Variants in RORA observed in about 807,000 individuals in gnomAD.
RORA encodes nuclear receptor ROR-alpha.
Under a neutral mutation model 69.5 loss-of-function variants are expected in RORA, and 7 were observed. That is an observed-to-expected ratio of 0.10 (90% CI 0.06 to 0.19). The LOEUF is 0.19. RORA is among the 10% of genes least tolerant of loss of function. RORA has a pLI of 1.00. For synonymous variants in RORA, 261 were observed against 240.8 expected, an observed-to-expected ratio of 1.08 and a Z score of -0.78; for missense variants, 457 against 663.0, an observed-to-expected ratio of 0.69 and a Z score of 3.41.
At position 60,543,125 on chromosome 15, in the gene RORA, G is replaced by A. The variant is rs115871535; in HGVS notation, c.197-11274C>T. Among the ~76,000 whole-genome samples, 146 of 133,636 alleles carry A rather than the reference G, an allele frequency of 1.1e-3. 1 individual carries two copies. The highest frequency in any genetic ancestry group is 4.0e-3 in the African/African-American group (142 of 35,278). 87.7% of individuals were successfully genotyped at this position (133,636 alleles called of 152,430 possible). On this transcript the variant is annotated intron_variant, in intron 2 of 10. Coordinates refer to ENST00000335670, the MANE Select transcript of RORA (RefSeq NM_134261.3). Reference sequence around the variant, plus strand: ...AGAACCCACCAGCGCACCTCGTCTTGTTACGTTAGCTTCACTGCATAGGAA... The same window carrying A: ...AGAACCCACCAGCGCACCTCGTCTTATTACGTTAGCTTCACTGCATAGGAA...
At chr15:60,861,339 C>A (rs182326257) in intron 1 of RORA, among the ~76,000 whole-genome samples, 17 of 152,222 alleles carry the variant, frequency 1.1e-4, no homozygotes, top group East Asian at 5.8e-4. Flanking sequence ...TTTGTAGACC[C>A]AACCACTTAC....
chr15:60,975,253 T>G (rs1893843121), intron 1 of RORA, among the ~76,000 whole-genome samples: 1 of 152,118 alleles, frequency 6.6e-6, no homozygotes, highest in Middle Eastern at 3.2e-3. Flanking sequence ...CCTAAACAAT[T>G]TCAATCCGTC....
chr15:60,889,355 G>T (rs117826464), intron 1 of RORA, among the ~76,000 whole-genome samples: 52 of 147,002 alleles, frequency 3.5e-4, no homozygotes, highest in Middle Eastern at 7.0e-3. Context: ...TGGGGCGGGG[G>T]GGGGGGGAAG....
chr15:60,759,227 A>T (rs1377881798), intron 1 of RORA, among the ~76,000 whole-genome samples: 1 of 152,228 alleles, frequency 6.6e-6, no homozygotes, highest in Non-Finnish European at 1.5e-5. Context: ...GGAGAGCCTG[A>T]GAGAACACAC....
At chr15:60,900,897 T>A (rs1891372222) in intron 1 of RORA, among the ~76,000 whole-genome samples, 1 of 151,556 alleles carries the variant, frequency 6.6e-6, no homozygotes. Flanking sequence ...TAAAAAAAAA[T>A]AGGACCATAT....
chr15:60,850,159 A>G (rs970420182), intron 1 of RORA, among the ~76,000 whole-genome samples: 4 of 152,296 alleles, frequency 2.6e-5, no homozygotes, highest in African/African-American at 7.2e-5. Context: ...CCAGACCTGA[A>G]TCCAGGCTGA....
rs555342612 is a variant in RORA, at chr15:60,755,192, T to A, written c.167-76506A>T. Among the ~76,000 whole-genome samples the A allele has an allele frequency of 2.1e-4, 29 of 140,576 alleles. No individual in the cohort carries two copies. The South Asian group carries it at 2.1e-3, about 10-fold the overall frequency. The allele number at this position is 140,576 out of a possible 152,430, so 92.2% of individuals were successfully genotyped here. On this transcript the variant is annotated intron_variant, in intron 1 of 10. Coordinates refer to ENST00000335670, the MANE Select transcript of RORA (RefSeq NM_134261.3). ...ATGTTCCCCTTCCTGTGTCCATGTGTTCTCATTGTTCAATTCCCACCTATG... is the reference window on the plus strand; with the variant it reads ...ATGTTCCCCTTCCTGTGTCCATGTGATCTCATTGTTCAATTCCCACCTATG...
At chr15:60,993,099 A>G (rs932880443) in intron 1 of RORA, among the ~76,000 whole-genome samples, 15 of 152,164 alleles carry the variant, frequency 9.9e-5, no homozygotes, top group African/African-American at 3.1e-4. Context: ...TCTATTTACA[A>G]TATTCTTATT....
intron 1 of RORA, among the ~76,000 whole-genome samples, chr15:60,795,980 A>C (rs2072489871): frequency 6.6e-6 from 1 of 152,232 alleles, no homozygotes; most frequent in Non-Finnish European, 1.5e-5. Flanking sequence ...GGGTATCAAA[A>C]TGTGTAAAGC....
intron 1 of RORA, among the ~76,000 whole-genome samples, chr15:61,035,576 G>A (rs747843002): frequency 1.4e-4 from 22 of 152,168 alleles, no homozygotes; most frequent in East Asian, 7.7e-4. Context: ...GGCAAACCAC[G>A]TGGAGACCTT....
At chr15:60,840,647 C>A (rs1170582087) in intron 1 of RORA, among the ~76,000 whole-genome samples, 1 of 152,230 alleles carries the variant, frequency 6.6e-6, no homozygotes. Flanking sequence ...ATGTGTCCCG[C>A]CACTGCTAGG....
chr15:60,686,740 C>T (rs1018066101), intron 1 of RORA: 2 of 152,230 alleles, frequency 1.3e-5, no homozygotes, highest in African/African-American at 2.4e-5. Flanking sequence ...CGGAAGTGAA[C>T]TGTCTGTGGG....
At chr15:60,837,038 C>CTTTTTTTTTT (rs35079716) in intron 1 of RORA, among the ~76,000 whole-genome samples, 1 of 142,986 alleles carries the variant, frequency 7.0e-6, no homozygotes, top group Non-Finnish European at 1.5e-5. Flanking sequence ...ATACCTTGAC[C>CTTTTTTTTTT]TTTTTTTTTT....
Position 60,695,203 on chromosome 15 carries a change from ACCC to A in RORA, c.167-16520_167-16518del, listed in dbSNP as rs2070884885. ...TGCCCATACATGTTGCATCAGCCCC[ACCC>A]ACGTTCCTAGAAGCCATCTCTTCTC... On this transcript the variant is annotated intron_variant, in intron 1 of 10. Coordinates refer to ENST00000335670, the MANE Select transcript of RORA (RefSeq NM_134261.3). 2.0e-5 allele frequency among the ~76,000 whole-genome samples: 3 copies of A among 152,062 alleles called. No individual in the cohort carries two copies. In the South Asian group the frequency reaches 6.2e-4, roughly 32 times the overall value.
chr15:60,648,363 T>C (rs1596095591), intron 2 of RORA, among the ~76,000 whole-genome samples: 1 of 152,292 alleles, frequency 6.6e-6, no homozygotes, highest in Non-Finnish European at 1.5e-5. Flanking sequence ...TTTCAGAAAA[T>C]ACAAAAAATA....
intron 1 of RORA, among the ~76,000 whole-genome samples, chr15:60,922,951 C>T (rs564466264): frequency 8.5e-5 from 13 of 152,244 alleles, no homozygotes; most frequent in African/African-American, 2.4e-4. Flanking sequence ...GGGGTATTTC[C>T]GGGAAGACAG....
chr15:60,709,545 C>G (rs1006080571), intron 1 of RORA, among the ~76,000 whole-genome samples: 3 of 152,044 alleles, frequency 2.0e-5, no homozygotes, highest in African/African-American at 7.3e-5. Context: ...GCTCCAGATT[C>G]TGTCAGATGA....
intron 1 of RORA, among the ~76,000 whole-genome samples, chr15:61,059,976 G>A (rs1310062948): frequency 8.7e-4 from 78 of 89,300 alleles, no homozygotes; most frequent in African/African-American, 3.1e-3. Flanking sequence ...AAGAGGAAGA[G>A]GAAGAGGAAG....
intron 1 of RORA, among the ~76,000 whole-genome samples, chr15:61,201,540 G>A (rs571143359): frequency 2.1e-4 from 32 of 152,236 alleles, no homozygotes; most frequent in African/African-American, 7.0e-4. Flanking sequence ...ATTCAGTCTC[G>A]TGGGCACTTA....
Sources: allele counts gnomAD v4.1 joint callset (sites outside exome capture counted in the v4.1 genomes callset), GRCh38; gene constraint gnomAD v4.1.1; transcripts MANE v1.5; gene names NCBI Gene and HGNC (gene_info 2026-07-23, HGNC 2026-07-21).